The following ABAT variants were observed in gnomAD, a reference collection of about 807,000 sequenced individuals.
The protein encoded by ABAT is 4-aminobutyrate aminotransferase, also known as 4-aminobutyrate aminotransferase, mitochondrial.
In ABAT, 45 loss-of-function variants were observed where a neutral mutation model predicts 64.6. The observed-to-expected ratio is 0.70, with a 90% CI of 0.55 to 0.89. The LOEUF (loss-of-function observed/expected upper bound fraction) is 0.89. ABAT is among the 40% of genes least tolerant of loss of function. The probability of loss-of-function intolerance (pLI) is 0.00; values close to 1 mark genes in which losing one functional copy is unlikely to be tolerated. For missense variants in ABAT, 633 were observed against 658.4 expected (o/e 0.96, Z 0.42); for synonymous variants, 297 against 250.5 (o/e 1.19, Z -1.75).
chr16:8,768,897 C>T lies in ABAT; in HGVS notation c.740C>T (p.Pro247Leu), dbSNP rs776487124. Reference protein sequence around the residue: ...DIPSFDWPIAPFPRLKYPLEE... With the variant: ...DIPSFDWPIALFPRLKYPLEE... ...CCTTCCTTTGACTGGCCCATCGCAC[C>T]GTTCCCACGGCTGAAATACCCTCTG... Residue 247 changes from proline (P) to leucine (L), a missense_variant, in exon 11 of 16, where the codon CCG becomes CTG. Transcript: ENST00000268251. 12 of 1,614,068 alleles carry T rather than the reference C, an allele frequency of 7.4e-6. No homozygotes were observed. Among genetic ancestry groups the T allele is most frequent in the Middle Eastern group, 1.6e-4 (1 of 6,084 alleles).
chr16:8,768,011 A>G lies in ABAT; in HGVS notation c.604-182A>G, dbSNP rs553260881. On this transcript the variant is annotated intron_variant, in intron 9 of 15. Transcript: ENST00000268251. ...GACTTAAAAAAAAAAAAATGTAAGT[A>G]TGTATGCAAATAAAACGTGTGTCTT... Among the ~76,000 whole-genome samples, 5 of 152,068 alleles carry G rather than the reference A, an allele frequency of 3.3e-5. No individual in the cohort carries two copies. The East Asian group carries it at 9.7e-4, about 29-fold the overall frequency.
At chr16:8,718,475 T>C (rs1250446907) in intron 1 of ABAT, among the ~76,000 whole-genome samples, 2 of 152,188 alleles carry the variant, frequency 1.3e-5, no homozygotes, top group African/African-American at 4.8e-5. Flanking sequence ...AGGTTGCTTT[T>C]CAGTTCAGTT....
At chr16:8,770,391 C>T (rs1305349535) in intron 11 of ABAT, among the ~76,000 whole-genome samples, 2 of 152,072 alleles carry the variant, frequency 1.3e-5, no homozygotes, top group Non-Finnish European at 2.9e-5. Flanking sequence ...CCCGCCTCGG[C>T]CTCCCAAAGT....
intron 1 of ABAT, among the ~76,000 whole-genome samples, chr16:8,706,848 A>T (rs1276752102): frequency 6.6e-6 from 1 of 152,250 alleles, no homozygotes; most frequent in Non-Finnish European, 1.5e-5. Flanking sequence ...TTCTCTGAAG[A>T]GATAACATGG....
chr16:8,679,814 C>A (rs1396676229), intron 1 of ABAT, among the ~76,000 whole-genome samples: 2 of 152,104 alleles, frequency 1.3e-5, no homozygotes, highest in Admixed American at 6.5e-5. Flanking sequence ...TCCACCATGA[C>A]CACTCTGCTG....
In ABAT at chr16:8,775,073, CCTT is replaced by C; in HGVS notation, c.1122+19_1122+21del. 6.2e-7 allele frequency: 1 copy of C among 1,614,174 alleles called. No homozygotes were observed. Among genetic ancestry groups the C allele is most frequent in the South Asian group, 1.1e-5 (1 of 91,076 alleles). ...GCCTAATGCTGTGAGTTGGAGCCAACCTTCTCTCTACATCCAGGGCAGAGAAGG... is the reference window on the plus strand; with the variant it reads ...GCCTAATGCTGTGAGTTGGAGCCAACCTCTCTACATCCAGGGCAGAGAAGG... On this transcript the variant is annotated intron_variant, in intron 13 of 15. Coordinates refer to ENST00000268251, the MANE Select transcript of ABAT (RefSeq NM_020686.6).
chr16:8,726,003 G>A (rs927339395), intron 1 of ABAT, among the ~76,000 whole-genome samples: 2 of 151,992 alleles, frequency 1.3e-5, no homozygotes, highest in African/African-American at 4.8e-5. Flanking sequence ...CTCCCTGGGA[G>A]CCTGCCTAAA....
Position 8,750,503 on chromosome 16 carries a change from C to T in ABAT, c.280C>T (p.Leu94=), listed in dbSNP as rs2059448389. The T allele has an allele frequency of 5.0e-6, 8 of 1,614,028 alleles. No individual in the cohort carries two copies. The highest frequency in any genetic ancestry group is 6.8e-6 in the Non-Finnish European group (8 of 1,180,010). ...YLVDVDGNRM[L]DLYSQISSVP... ...GGTTGATGTGGACGGCAACCGAATG[C>T]TGGATCTTTATTCCCAGATCTCCTC... The change falls in exon 5 of 16, where the codon CTG becomes TTG. Residue 94 remains leucine, a synonymous_variant. Coordinates refer to ENST00000268251, the MANE Select transcript of ABAT (RefSeq NM_020686.6).
chr16:8,721,401 C>G (rs59354735), intron 1 of ABAT, among the ~76,000 whole-genome samples: 12,098 of 152,132 alleles, frequency 0.08, 1,001 homozygotes, highest in East Asian at 0.45. Context: ...CTCCGAGCCT[C>G]CAGAGCTTCC....
intron 3 of ABAT, among the ~76,000 whole-genome samples, chr16:8,747,193 C>G (rs1443436464): frequency 1.3e-5 from 2 of 152,166 alleles, no homozygotes; most frequent in Non-Finnish European, 2.9e-5. Context: ...GGTACAACAT[C>G]CAAACAACAG....
intron 6 of ABAT, among the ~76,000 whole-genome samples, chr16:8,762,522 A>G (rs1479984367): frequency 1.3e-5 from 2 of 152,186 alleles, no homozygotes; most frequent in Non-Finnish European, 2.9e-5. Flanking sequence ...TTCATGCTGT[A>G]CCCTAAGCCT....
intron 11 of ABAT, among the ~76,000 whole-genome samples, chr16:8,769,688 G>T (rs924253983): frequency 2.0e-5 from 3 of 152,042 alleles, no homozygotes; most frequent in African/African-American, 7.2e-5. Flanking sequence ...GCTTTGAGTT[G>T]CTGTGGGTCG....
At chr16:8,685,779 G>A (rs1028172200) in intron 1 of ABAT, among the ~76,000 whole-genome samples, 7 of 152,208 alleles carry the variant, frequency 4.6e-5, no homozygotes, top group Non-Finnish European at 4.4e-5. Flanking sequence ...GGAGTGGCAA[G>A]AGGAGGCTGT....
chr16:8,676,049 G>A (rs1204719918), intron 1 of ABAT, among the ~76,000 whole-genome samples: 1 of 152,068 alleles, frequency 6.6e-6, no homozygotes, highest in Non-Finnish European at 1.5e-5. Flanking sequence ...GGTGGGGAGG[G>A]GGTGGGAAGA....
At chr16:8,709,067 C>T (rs887072868) in intron 1 of ABAT, among the ~76,000 whole-genome samples, 2 of 151,868 alleles carry the variant, frequency 1.3e-5, no homozygotes, top group African/African-American at 4.8e-5. Flanking sequence ...ACTTGCTATG[C>T]CAAAAAGGAT....
chr16:8,750,656 A>T (rs2059453763), intron 5 of ABAT, 117 bp downstream of exon 5: 3 of 896,288 alleles, frequency 3.3e-6, no homozygotes, highest in Non-Finnish European at 5.6e-6. Flanking sequence ...GTTGCCTGAC[A>T]CTTCACCCAA....
At chr16:8,716,564 T>C (rs1206728878) in intron 1 of ABAT, among the ~76,000 whole-genome samples, 1 of 152,214 alleles carries the variant, frequency 6.6e-6, no homozygotes, top group Non-Finnish European at 1.5e-5. Flanking sequence ...CAGGGTCCCG[T>C]GTTCAGAAGA....
At chr16:8,743,979 G>A (rs1185644485) in intron 2 of ABAT, among the ~76,000 whole-genome samples, 1 of 152,130 alleles carries the variant, frequency 6.6e-6, no homozygotes, top group Non-Finnish European at 1.5e-5. Flanking sequence ...TCAGGGATCA[G>A]CAAGGCTTGG....
At chr16:8,749,386 C>CCTT in intron 4 of ABAT, among the ~76,000 whole-genome samples, 1 of 31,984 alleles carries the variant, frequency 3.1e-5, no homozygotes, top group Admixed American at 6.3e-4. Context: ...CGCACCCGGC[C>CCTT]TTTTTTTTTT....
Sources: allele counts gnomAD v4.1 joint callset (sites outside exome capture counted in the v4.1 genomes callset), GRCh38; gene constraint gnomAD v4.1.1; transcripts MANE v1.5; gene names NCBI Gene and HGNC (gene_info 2026-07-23, HGNC 2026-07-21).